ING3: variants seen among roughly 807,000 people sequenced by gnomAD.
The protein encoded by ING3 is inhibitor of growth protein 3.
Under a neutral mutation model 64.8 loss-of-function variants are expected in ING3, and 6 were observed. The observed-to-expected ratio is 0.09, with a 90% confidence interval of 0.05 to 0.18. ING3 has a LOEUF of 0.18. Among genes scored for constraint, ING3 ranks in the 10% least tolerant of loss-of-function variants. The pLI, the probability that ING3 is intolerant of heterozygous loss-of-function variation, is 1.00. For synonymous variants in ING3, 170 were observed against 173.7 expected (o/e 0.98, Z 0.17); for missense variants, 310 against 489.7 (o/e 0.63, Z 3.46).
At chr7:120,956,087 C>A in intron 4 of ING3, 2 of 951,284 alleles carry the variant, frequency 2.1e-6, no homozygotes, top group South Asian at 2.7e-5. Flanking sequence ...GTTAAAAGAT[C>A]GTATGTAACA....
At chr7:120,956,162 G>A (rs1478831473) in intron 4 of ING3, 3 of 1,602,976 alleles carry the variant, frequency 1.9e-6, no homozygotes, top group South Asian at 2.2e-5. Flanking sequence ...TTTTGCAGCA[G>A]CACTTCTAAA....
rs1415938665 is a variant in ING3, at chr7:120,968,050, A to C, written c.673A>C (p.Ile225Leu). The C allele has an allele frequency of 3.1e-6, 5 of 1,614,154 alleles. No individual in the cohort carries two copies. The highest frequency in any genetic ancestry group is 4.2e-6 in the Non-Finnish European group (5 of 1,180,024). ...SLSSGTGAGA[I>L]TMAAAQAVQA... ...ATCTTCAGGAACTGGTGCAGGGGCA[A>C]TTACCATGGCAGCTGCTCAAGCAGT... Residue 225 changes from isoleucine (I) to leucine (L), a missense_variant, in exon 8 of 12, where the codon ATT becomes CTT. Ile to Leu is a conservative substitution (Grantham distance 5, BLOSUM62 2). This residue lies in a region of ING3 where 233 missense variants were observed against 289.4 expected (regional missense o/e 0.81). Transcript: ENST00000315870.
intron 1 of ING3, 52 bp downstream of exon 1, chr7:120,950,976 G>A: frequency 6.2e-7 from 1 of 1,602,010 alleles, no homozygotes; most frequent in South Asian, 1.1e-5. Flanking sequence ...GGGCGGGCAA[G>A]AGCGCGAGTG....
chr7:120,951,341 T>G, intron 2 of ING3, 106 bp downstream of exon 2: 1 of 1,027,328 alleles, frequency 9.7e-7, no homozygotes, highest in Admixed American at 1.8e-5. Context: ...TCTGGCTCAC[T>G]CCGCTAGTGC....
chr7:120,951,160 A>AC lies in ING3; in HGVS notation c.29-3dup. ...GCCCCTCTGACGGACTCTCCCTTTG[A>AC]CAGTGATTGAGCAGCTTCCTATGGA... is the stretch of plus-strand genomic sequence containing the variant. On this transcript the variant is annotated splice_region_variant and splice_polypyrimidine_tract_variant and intron_variant, in intron 1 of 11. Coordinates refer to ENST00000315870, the MANE Select transcript of ING3 (RefSeq NM_019071.3). 5.0e-6 allele frequency: 8 copies of AC among 1,613,988 alleles called. No individual in the cohort carries two copies. The highest frequency in any genetic ancestry group is 6.8e-6 in the Non-Finnish European group (8 of 1,179,984).
intron 10 of ING3, among the ~76,000 whole-genome samples, chr7:120,972,583 A>C (rs990628484): frequency 1.1e-4 from 16 of 152,192 alleles, no homozygotes; most frequent in East Asian, 1.9e-4. Context: ...AAGAGCCCCC[A>C]AAAACTTGAT....
chr7:120,956,406 G>C (rs1795848048), intron 4 of ING3: 5 of 1,272,240 alleles, frequency 3.9e-6, no homozygotes, highest in Non-Finnish European at 5.0e-6. Context: ...ATTTATTACT[G>C]AACAAGTACG....
intron 6 of ING3, among the ~76,000 whole-genome samples, chr7:120,967,296 C>G (rs1796008869): frequency 6.6e-6 from 1 of 152,090 alleles, no homozygotes; most frequent in African/African-American, 2.4e-5. Flanking sequence ...CATGGTGTAT[C>G]TTGGGTTATC....
rs1352813858 is a variant in ING3, at chr7:120,976,914, T to A, written c.*2070T>A. 1.3e-5 allele frequency: 2 copies of A among 152,208 alleles called. No homozygotes were observed. The highest frequency in any genetic ancestry group is 2.4e-5 in the African/African-American group (1 of 41,450). 9.4% of individuals were successfully genotyped at this position (152,208 alleles called of 1,614,324 possible). A position where few individuals can be genotyped will look rare whatever the true frequency, so the allele number is the denominator to read the frequency against. On this transcript the variant is annotated 3_prime_UTR_variant, in exon 12 of 12. Coordinates refer to ENST00000315870, the MANE Select transcript of ING3 (RefSeq NM_019071.3). Reference sequence around the variant, plus strand: ...TAGTAATGGGTAGAACCTGTTAATATCTGAGTCATATATAATGGGGCCAAA... The same window carrying A: ...TAGTAATGGGTAGAACCTGTTAATAACTGAGTCATATATAATGGGGCCAAA...
intron 4 of ING3, among the ~76,000 whole-genome samples, chr7:120,961,422 G>A (rs1366921333): frequency 2.0e-5 from 3 of 152,120 alleles, no homozygotes; most frequent in Admixed American, 1.3e-4. Flanking sequence ...TGCCTCTTCC[G>A]ATAGGGCAAG....
chr7:120,974,674 C>A, intron 11 of ING3, 54 bp from the exon 12 acceptor site: 1 of 948,304 alleles, frequency 1.1e-6, no homozygotes, highest in Non-Finnish European at 1.7e-6. Flanking sequence ...TTTTAATATA[C>A]TCTCTTGTCT....
At chr7:120,973,344 G>T in intron 11 of ING3, 101 bp downstream of exon 11, 1 of 772,924 alleles carries the variant, frequency 1.3e-6, no homozygotes, top group South Asian at 1.6e-5. Flanking sequence ...AAGAAAACAG[G>T]TTTGCAGGTA....
intron 6 of ING3, among the ~76,000 whole-genome samples, 154 bp downstream of exon 6, chr7:120,966,851 TG>T: frequency 1.3e-5 from 2 of 152,274 alleles, no homozygotes; most frequent in South Asian, 2.1e-4. Context: ...TCTTTTTCCT[TG>T]GGGGGAGCAT....
chr7:120,967,529 A>T lies in ING3; in HGVS notation c.437A>T (p.Lys146Ile). ...ACATGAATTTTTTATTTATATTTAG[A>T]AAGGAAATATAATCCAACTTCTCAC... ...HHAHSHTPVE[K>I]RKYNPTSHHT... Residue 146 changes from lysine (K) to isoleucine (I), a missense_variant and splice_region_variant, in exon 7 of 12, where the codon AAA (lysine) becomes ATA (isoleucine). Physicochemically the swap from Lys to Ile is moderately radical, Grantham distance 102 (BLOSUM62 -3). This residue lies in a region of ING3 where 233 missense variants were observed against 289.4 expected (regional missense o/e 0.81). Transcript: ENST00000315870. 1 of 1,527,236 alleles carries T rather than the reference A, an allele frequency of 6.5e-7. No homozygotes were observed. The allele number at this position is 1,527,236 out of a possible 1,614,324, so 94.6% of individuals were successfully genotyped here. A position where few individuals can be genotyped will look rare whatever the true frequency, so the allele number is the denominator to read the frequency against.
intron 2 of ING3, among the ~76,000 whole-genome samples, chr7:120,952,998 C>G (rs772369432): frequency 4.3e-4 from 66 of 151,998 alleles, no homozygotes; most frequent in Non-Finnish European, 7.7e-4. Context: ...GATTTAATAC[C>G]ATTAGCTTTT....
chr7:120,951,611 T>C (rs1391326819), intron 2 of ING3, among the ~76,000 whole-genome samples: 1 of 152,234 alleles, frequency 6.6e-6, no homozygotes, highest in Non-Finnish European at 1.5e-5. Context: ...TTTATACTTA[T>C]TTTAAAGTTC....
chr7:120,969,885 G>A (rs1447125560), intron 9 of ING3, among the ~76,000 whole-genome samples: 3 of 152,012 alleles, frequency 2.0e-5, no homozygotes, highest in East Asian at 1.9e-4. Flanking sequence ...CTTAAAGAAC[G>A]ATCAATATGA....
Position 120,951,204 on chromosome 7 carries a change from G to A in ING3, c.69G>A (p.Thr23=), listed in dbSNP as rs1458339688. Residue 23 remains threonine (T), a synonymous_variant, in exon 2 of 12, where the codon ACG becomes ACA. Transcript: ENST00000315870. ...CTATGGATCTGCGGGACCGCTTCACGGAAATGCGCGAGATGGACCTGCAGG... is the reference window on the plus strand; with the variant it reads ...CTATGGATCTGCGGGACCGCTTCACAGAAATGCGCGAGATGGACCTGCAGG... The part of the protein sequence containing the change: ...QLPMDLRDRF[T]EMREMDLQVQ... The A allele has an allele frequency of 3.7e-6, 6 of 1,614,140 alleles. No homozygotes were observed. The highest frequency in any genetic ancestry group is 5.1e-6 in the Non-Finnish European group (6 of 1,180,028).
chr7:120,961,415 C>T (rs1424618181), intron 4 of ING3, among the ~76,000 whole-genome samples: 1 of 152,162 alleles, frequency 6.6e-6, no homozygotes, highest in African/African-American at 2.4e-5. Context: ...ACTTGATTGC[C>T]TCTTCCGATA....
Sources: allele counts gnomAD v4.1 joint callset (sites outside exome capture counted in the v4.1 genomes callset), GRCh38; gene constraint gnomAD v4.1.1; regional missense constraint gnomAD v4.1.1; transcripts MANE v1.5; gene names NCBI Gene and HGNC (gene_info 2026-07-23, HGNC 2026-07-21).